UBN1: variants seen among roughly 807,000 people sequenced by gnomAD.
UBN1 encodes the protein ubinuclein-1.
In UBN1, 17 loss-of-function variants were observed where a neutral mutation model predicts 108.5. The observed-to-expected ratio is 0.16, with a 90% CI of 0.11 to 0.24. The LOEUF (loss-of-function observed/expected upper bound fraction) is 0.24. Ranked by LOEUF, UBN1 falls within the 10% of genes least tolerant of loss-of-function variation. The pLI is 1.00. For synonymous variants in UBN1, 726 were observed against 564.2 expected (o/e 1.29, Z -4.07); for missense variants, 1,595 against 1,394.4 (o/e 1.14, Z -2.29).
rs2088040011 is a variant in UBN1 at position 4,880,275 on chromosome 16, A to G, written c.*143A>G. ...AGTTCTCAGCGGAGCGCTTCTCGGC[A>G]CTTCTGATGTGCCTCCCATGGAGGG... On this transcript the variant is annotated 3_prime_UTR_variant, in exon 18 of 18. Transcript: ENST00000262376. 1 of 938,982 alleles carries G rather than the reference A, an allele frequency of 1.1e-6. No individual in the cohort carries two copies. 58.2% of individuals were successfully genotyped at this position (938,982 alleles called of 1,614,324 possible).
At chr16:4,860,253 C>T (rs868360982) in intron 6 of UBN1, among the ~76,000 whole-genome samples, 8 of 152,184 alleles carry the variant, frequency 5.3e-5, no homozygotes, top group Non-Finnish European at 8.8e-5. Context: ...CTTCTGTCTC[C>T]GCTGTTTTCC....
chr16:4,866,658 A>G (rs1222082643), intron 7 of UBN1, among the ~76,000 whole-genome samples: 1 of 152,218 alleles, frequency 6.6e-6, no homozygotes, highest in Non-Finnish European at 1.5e-5. Flanking sequence ...GACCACAGGC[A>G]TGCACCACCA....
chr16:4,878,177 G>A (rs1227151393), intron 17 of UBN1, among the ~76,000 whole-genome samples: 1 of 152,172 alleles, frequency 6.6e-6, no homozygotes, highest in Admixed American at 6.5e-5. Context: ...TTTGCATTGA[G>A]TGCGTCTGCC....
chr16:4,878,786 G>T (rs901580226), intron 17 of UBN1, among the ~76,000 whole-genome samples: 5 of 152,228 alleles, frequency 3.3e-5, no homozygotes, highest in African/African-American at 1.2e-4. Context: ...CAAGGCAGGA[G>T]GATTGCCTGA....
chr16:4,859,783 G>A, intron 5 of UBN1, 82 bp from the exon 6 acceptor site: 2 of 1,583,624 alleles, frequency 1.3e-6, no homozygotes, highest in African/African-American at 1.4e-5. Flanking sequence ...TGTGCCCCGG[G>A]CGGAGCAAGG....
chr16:4,877,121 T>G lies in UBN1; in HGVS notation c.3265+10T>G, dbSNP rs559645362. 3.1e-6 allele frequency: 5 copies of G among 1,599,426 alleles called. No individual in the cohort carries two copies. Among genetic ancestry groups the G allele is most frequent in the Non-Finnish European group, 2.6e-6 (3 of 1,173,284 alleles). On this transcript the variant is annotated intron_variant, in intron 16 of 17. Transcript: ENST00000262376. This position sits in a 1 kb window ranked among gnomAD's most constrained non-coding sequence, Gnocchi z 4.3. ...CATGGCCTTGGCCACAGTAAGTGCT[T>G]CTTTGCTGCCTCTGGTCACTCAGGA... is the stretch of plus-strand genomic sequence containing the variant.
intron 17 of UBN1, among the ~76,000 whole-genome samples, chr16:4,879,586 G>T (rs1309227306): frequency 6.6e-6 from 1 of 152,228 alleles, no homozygotes; most frequent in Admixed American, 6.5e-5. Flanking sequence ...AGGATGACAC[G>T]AGATGCGAGT....
chr16:4,847,722 G>A lies in UBN1; in HGVS notation c.-528G>A, dbSNP rs2086266088. The A allele has an allele frequency of 6.0e-6, 1 of 166,954 alleles. No individual in the cohort carries two copies. The highest frequency in any genetic ancestry group is 2.4e-5 in the African/African-American group (1 of 41,588). The allele number at this position is 166,954 out of a possible 1,614,324, so 10.3% of individuals were successfully genotyped here. A position where few individuals can be genotyped will look rare whatever the true frequency, so the allele number is the denominator to read the frequency against. The stretch of plus-strand genomic sequence containing the variant: ...TGGTCGGCCCCGTCGCAGCGCCAGT[G>A]AGCTACCCTGACGGAGCTCGGCGCG... On this transcript the variant is annotated 5_prime_UTR_variant, in exon 1 of 18. Coordinates refer to ENST00000262376, the MANE Select transcript of UBN1 (RefSeq NM_001079514.3).
chr16:4,875,792 C>T (rs900824045), intron 15 of UBN1, among the ~76,000 whole-genome samples: 3 of 152,144 alleles, frequency 2.0e-5, no homozygotes, highest in Non-Finnish European at 2.9e-5. Flanking sequence ...GAAATGCTGT[C>T]TTCTATCAGT....
intron 15 of UBN1, 32 bp from the exon 16 acceptor site, chr16:4,876,839 A>C: frequency 6.4e-7 from 1 of 1,552,076 alleles, no homozygotes; most frequent in Non-Finnish European, 8.7e-7. Flanking sequence ...ACAGGACTGG[A>C]GTTCTTACCG....
chr16:4,878,797 G>C (rs2087992797), intron 17 of UBN1, among the ~76,000 whole-genome samples: 1 of 152,118 alleles, frequency 6.6e-6, no homozygotes, highest in East Asian at 1.9e-4. Flanking sequence ...GATTGCCTGA[G>C]TCCAGGAGTT....
At chr16:4,858,518 T>A in intron 3 of UBN1, 50 bp from the exon 4 acceptor site, 1 of 1,542,938 alleles carries the variant, frequency 6.5e-7, no homozygotes, top group South Asian at 1.1e-5. Flanking sequence ...CCACAGTTAA[T>A]TCTGTGTGTT....
chr16:4,874,083 A>G (rs2142269250), intron 14 of UBN1, 128 bp from the exon 15 acceptor site: 1 of 1,189,084 alleles, frequency 8.4e-7, no homozygotes, highest in Non-Finnish European at 1.2e-6. Flanking sequence ...CTGTCCCACC[A>G]CTTGTCTTGT....
intron 1 of UBN1, among the ~76,000 whole-genome samples, chr16:4,851,583 C>T (rs969906648): frequency 1.3e-5 from 2 of 151,976 alleles, no homozygotes; most frequent in Non-Finnish European, 2.9e-5. Flanking sequence ...GTTATAATTT[C>T]CTTGGAAGGA....
intron 7 of UBN1, among the ~76,000 whole-genome samples, chr16:4,865,114 G>C (rs1448913860): frequency 6.6e-6 from 1 of 152,056 alleles, no homozygotes; most frequent in East Asian, 1.9e-4. Context: ...CAACTTCTGG[G>C]GTAAGAGTGT....
chr16:4,849,377 A>G (rs921212031), intron 1 of UBN1, among the ~76,000 whole-genome samples: 1 of 152,202 alleles, frequency 6.6e-6, no homozygotes, highest in Non-Finnish European at 1.5e-5. Context: ...ACCCATTAAA[A>G]TAAGAATTCA....
intron 7 of UBN1, among the ~76,000 whole-genome samples, chr16:4,864,973 A>T (rs2087255916): frequency 6.6e-6 from 1 of 152,360 alleles, no homozygotes; most frequent in South Asian, 2.1e-4. Flanking sequence ...GCTGGGTGCT[A>T]AAAGGCTACA....
intron 15 of UBN1, among the ~76,000 whole-genome samples, chr16:4,876,435 G>A (rs1006603930): frequency 5.3e-5 from 8 of 151,864 alleles, no homozygotes; most frequent in Non-Finnish European, 7.4e-5. Context: ...AGGTATATAT[G>A]TATGTGTGTG....
Position 4,858,619 on chromosome 16 carries a change from T to C in UBN1, c.388T>C (p.Tyr130His). The change falls in exon 4 of 18, where the codon TAT becomes CAT. Residue 130 changes from tyrosine (Y) to histidine (H), a missense_variant. Tyr to His is a moderately conservative substitution (Grantham distance 83). Coordinates refer to ENST00000262376, the MANE Select transcript of UBN1 (RefSeq NM_001079514.3). ...DRIQDLIDMG[Y>H]GYDESDSFID... ...AATACAGGACTTGATCGATATGGGGTATGGTTATGATGAATCCGACTCCTT... is the reference window on the plus strand; with the variant it reads ...AATACAGGACTTGATCGATATGGGGCATGGTTATGATGAATCCGACTCCTT... 2 of 1,614,136 alleles carry C rather than the reference T, an allele frequency of 1.2e-6. No homozygotes were observed. The highest frequency in any genetic ancestry group is 1.7e-6 in the Non-Finnish European group (2 of 1,180,018).
Sources: gnomAD v4.1 joint callset for allele counts (sites outside exome capture counted in the v4.1 genomes callset) on GRCh38, gnomAD v4.1.1 for gene constraint, Gnocchi (gnomAD v3.1) non-coding constraint, MANE v1.5 for transcripts, NCBI Gene and HGNC (gene_info 2026-07-23, HGNC 2026-07-21) for gene names.